TEAD2: variants seen among roughly 807,000 people sequenced by gnomAD.
The protein encoded by TEAD2 is TEA domain transcription factor 2.
In TEAD2, 51 loss-of-function variants were observed where a neutral mutation model predicts 61.4. The observed-to-expected ratio is 0.83, with a 90% CI of 0.66 to 1.05. The LOEUF (loss-of-function observed/expected upper bound fraction) is 1.05. Among genes scored for constraint, TEAD2 ranks in the 50% least tolerant of loss-of-function variants. The pLI is 0.00. For synonymous variants in TEAD2, 244 were observed against 243.2 expected, an observed-to-expected ratio of 1.00 and a Z score of -0.03; for missense variants, 509 against 600.0, an observed-to-expected ratio of 0.85 and a Z score of 1.58.
At chr19:49,360,232 T>C in intron 1 of TEAD2, 151 bp from the exon 2 acceptor site, 1 of 639,722 alleles carries the variant, frequency 1.6e-6, no homozygotes, top group Non-Finnish European at 2.7e-6. Context: ...AGCTGGGGGG[T>C]ATTCCTGGGT....
chr19:49,358,868 T>A (rs1014179835), intron 3 of TEAD2, among the ~76,000 whole-genome samples: 7 of 148,552 alleles, frequency 4.7e-5, no homozygotes, highest in African/African-American at 1.7e-4. Context: ...CCTGACCTCC[T>A]GATCCGCTCA....
chr19:49,349,438 G>A (rs1971864463), intron 8 of TEAD2, among the ~76,000 whole-genome samples: 1 of 151,734 alleles, frequency 6.6e-6, no homozygotes, highest in African/African-American at 2.4e-5. Context: ...ACTCCAGACT[G>A]GGGGACAGAG....
rs937441015 is a variant in TEAD2, at chr19:49,341,721, C to G, written c.1243-284G>C. 1.3e-5 allele frequency among the ~76,000 whole-genome samples: 2 copies of G among 152,110 alleles called. No homozygotes were observed. The highest frequency in any genetic ancestry group is 1.5e-5 in the Non-Finnish European group (1 of 68,014). On this transcript the variant is annotated intron_variant, in intron 12 of 12. Transcript: ENST00000593945. The surrounding 1 kb of genome is among the most constrained non-coding windows in gnomAD (Gnocchi z 4.2). ...TTCCCTGGGTAAAAGGGGTCCCCATCATGTCACAAGTAAAGGGAGAACCCT... is the reference window on the plus strand; with the variant it reads ...TTCCCTGGGTAAAAGGGGTCCCCATGATGTCACAAGTAAAGGGAGAACCCT...
At chr19:49,347,420 G>T in intron 9 of TEAD2, 57 bp from the exon 10 acceptor site, 1 of 1,576,854 alleles carries the variant, frequency 6.3e-7, no homozygotes, top group Non-Finnish European at 8.6e-7. Context: ...TCCAGCCTGT[G>T]CTGCCTGAGC....
chr19:49,356,766 C>G (rs1485063572), intron 4 of TEAD2, among the ~76,000 whole-genome samples: 2 of 152,058 alleles, frequency 1.3e-5, no homozygotes, highest in African/African-American at 4.8e-5. Context: ...TCCTGCTGTC[C>G]TGAGCAAAAC....
chr19:49,360,290 G>A (rs539921962), intron 1 of TEAD2: 2 of 592,242 alleles, frequency 3.4e-6, no homozygotes, highest in South Asian at 2.1e-5. Context: ...TGAGGGAGGA[G>A]GGGCTGGGGC....
At chr19:49,346,191 A>G (rs1487860189) in intron 10 of TEAD2, among the ~76,000 whole-genome samples, 2 of 151,540 alleles carry the variant, frequency 1.3e-5, no homozygotes, top group Non-Finnish European at 2.9e-5. Context: ...AAAAACAATA[A>G]AAGAAAATAA....
At chr19:49,352,473 C>T (rs556437134) in intron 7 of TEAD2, among the ~76,000 whole-genome samples, 1 of 152,220 alleles carries the variant, frequency 6.6e-6, no homozygotes, top group East Asian at 1.9e-4. Context: ...CTTTGGGAGG[C>T]CAAGGCAGGA....
chr19:49,360,383 T>A lies in TEAD2; in HGVS notation c.-6-302A>T, dbSNP rs555820445. ...AGCGGGGGCTGGAGGCCTGGACTCC[T>A]GGGTGTGAGGGAGAAGGGGCTGGGG... is the stretch of plus-strand genomic sequence containing the variant. On this transcript the variant is annotated intron_variant, in intron 1 of 12. Transcript: ENST00000593945. 8 of 423,960 alleles carry A rather than the reference T, an allele frequency of 1.9e-5. No individual in the cohort carries two copies. The East Asian group carries it at 3.2e-4, about 17-fold the overall frequency. The allele number at this position is 423,960 out of a possible 1,614,324, so 26.3% of individuals were successfully genotyped here.
At chr19:49,347,544 C>T (rs1339670231) in intron 9 of TEAD2, 181 bp from the exon 10 acceptor site, 10 of 631,890 alleles carry the variant, frequency 1.6e-5, no homozygotes, top group Non-Finnish European at 2.2e-5. Flanking sequence ...CACCCAGTCC[C>T]CTGCAGCCCT....
intron 10 of TEAD2, among the ~76,000 whole-genome samples, chr19:49,344,013 T>C (rs1054137791): frequency 1.3e-5 from 2 of 151,946 alleles, no homozygotes; most frequent in East Asian, 3.9e-4. Context: ...ATCCAGCTAA[T>C]ATTTTGTATT....
In TEAD2 at chr19:49,359,743, C is replaced by T. The variant is rs1443594500; in HGVS notation, c.232+101G>A. 7.8e-7 allele frequency: 1 copy of T among 1,277,120 alleles called. No homozygotes were observed. Among genetic ancestry groups the T allele is most frequent in the Non-Finnish European group, 1.1e-6 (1 of 901,654 alleles). The allele number at this position is 1,277,120 out of a possible 1,614,324, so 79.1% of individuals were successfully genotyped here. A position where few individuals can be genotyped will look rare whatever the true frequency, so the allele number is the denominator to read the frequency against. On this transcript the variant is annotated intron_variant, in intron 2 of 12. Coordinates refer to ENST00000593945, the MANE Select transcript of TEAD2 (RefSeq NM_001256660.2). This position sits in a 1 kb window ranked among gnomAD's most constrained non-coding sequence, Gnocchi z 4.1. ...CTGTGCCTCAGTTTCCTCATCTGTG[C>T]AAATGGTGATGCTAGCTCCTACTTC...
chr19:49,357,504 C>A (rs911415019), intron 3 of TEAD2, 190 bp from the exon 4 acceptor site: 2 of 627,752 alleles, frequency 3.2e-6, no homozygotes, highest in Non-Finnish European at 5.7e-6. Context: ...CACCACGGAC[C>A]CTCCCGGGAC....
At position 49,357,307 on chromosome 19, in the gene TEAD2, C is replaced by G; in HGVS notation, c.305G>C (p.Ser102Thr). Residue 102 changes from serine (S) to threonine (T), a missense_variant, in exon 4 of 13, where the codon AGT (serine) becomes ACT (threonine). Transcript: ENST00000593945. ...CCTTCGGGCCAAAACCTGGATGTGACTAGAAACCTGGAAGGATCAACGGAG... is the reference window on the plus strand; with the variant it reads ...CCTTCGGGCCAAAACCTGGATGTGAGTAGAAACCTGGAAGGATCAACGGAG... ...GKTRTRKQVS[S>T]HIQVLARRKS... is the part of the protein sequence containing the mutation. The G allele has an allele frequency of 1.2e-6, 2 of 1,613,790 alleles. No individual in the cohort carries two copies. Among genetic ancestry groups the G allele is most frequent in the Non-Finnish European group, 1.7e-6 (2 of 1,179,948 alleles).
At chr19:49,358,347 G>A (rs1439839369) in intron 3 of TEAD2, among the ~76,000 whole-genome samples, 7 of 152,186 alleles carry the variant, frequency 4.6e-5, no homozygotes, top group Admixed American at 1.3e-4. Flanking sequence ...CCCGGAAGGC[G>A]GAGGCTGCAG....
At position 49,359,698 on chromosome 19, in the gene TEAD2, A is replaced by G; in HGVS notation, c.232+146T>C. ...TCACGCACTGGCTCTGTGCGACCAT[A>G]AGCAAATCACTTAACCTAGCTGTGC... On this transcript the variant is annotated intron_variant, in intron 2 of 12. Coordinates refer to ENST00000593945, the MANE Select transcript of TEAD2 (RefSeq NM_001256660.2). This position sits in a 1 kb window ranked among gnomAD's most constrained non-coding sequence, Gnocchi z 4.1. 9.5e-7 allele frequency: 1 copy of G among 1,053,884 alleles called. No individual in the cohort carries two copies. The highest frequency in any genetic ancestry group is 2.1e-5 in the Admixed American group (1 of 48,742). The allele number at this position is 1,053,884 out of a possible 1,614,324, so 65.3% of individuals were successfully genotyped here.
intron 7 of TEAD2, among the ~76,000 whole-genome samples, chr19:49,354,728 G>A (rs557684634): frequency 5.3e-5 from 8 of 152,238 alleles, no homozygotes; most frequent in South Asian, 2.1e-4. Flanking sequence ...GGCTGGGCAC[G>A]GTGGCTCACG....
chr19:49,344,473 G>T (rs1193293244), intron 10 of TEAD2, among the ~76,000 whole-genome samples: 1 of 151,818 alleles, frequency 6.6e-6, no homozygotes, highest in Non-Finnish European at 1.5e-5. Context: ...TAGAGACAGG[G>T]TTTTGTCATG....
At position 49,359,340 on chromosome 19, in the gene TEAD2, G is replaced by A; in HGVS notation, c.297+95C>T. On this transcript the variant is annotated intron_variant, in intron 3 of 12. Transcript: ENST00000593945. This position sits in a 1 kb window ranked among gnomAD's most constrained non-coding sequence, Gnocchi z 4.1. ...GAGAAGACAGATGAACGCACAGGAA[G>A]CAGCTTCTTCCTTGAACCTGAACCT... 1.0e-5 allele frequency: 11 copies of A among 1,088,736 alleles called. No individual in the cohort carries two copies. Among genetic ancestry groups the A allele is most frequent in the African/African-American group, 1.6e-5 (1 of 64,312 alleles). 67.4% of individuals were successfully genotyped at this position (1,088,736 alleles called of 1,614,324 possible).
Sources: gnomAD v4.1 joint callset for allele counts (sites outside exome capture counted in the v4.1 genomes callset) on GRCh38, gnomAD v4.1.1 for gene constraint, Gnocchi (gnomAD v3.1) non-coding constraint, MANE v1.5 for transcripts, NCBI Gene and HGNC (gene_info 2026-07-23, HGNC 2026-07-21) for gene names.